CFHR1: variants seen among roughly 807,000 people sequenced by gnomAD.
CFHR1 encodes complement factor H related 1.
In CFHR1, 22 loss-of-function variants were observed where a neutral mutation model predicts 30.4. The observed-to-expected ratio is 0.72, with a 90% CI of 0.52 to 1.03. The LOEUF (loss-of-function observed/expected upper bound fraction) is 1.03, where lower values mean the gene tolerates loss of function less well. Ranked by LOEUF, CFHR1 falls within the 50% of genes least tolerant of loss-of-function variation. The pLI is 0.00. For missense variants in CFHR1, 248 were observed against 380.6 expected (o/e 0.65, Z 2.90); for synonymous variants, 95 against 129.1 (o/e 0.74, Z 1.79).
In CFHR1 at chr1:196,825,839, A is replaced by G. The variant is rs531072224; in HGVS notation, c.253+168A>G. The G allele has an allele frequency of 4.3e-5, 27 of 623,314 alleles. No individual in the cohort carries two copies. In the East Asian group the frequency reaches 6.5e-4, roughly 15 times the overall value. The allele number at this position is 623,314 out of a possible 1,614,324, so 38.6% of individuals were successfully genotyped here. On this transcript the variant is annotated intron_variant, in intron 2 of 5. Transcript: ENST00000320493. ...AGATGCCTCCTATAAGAATCAATGA[A>G]GAATAAATATGTCAACTGTCTTGTG...
chr1:196,824,746 C>CTATATATA (rs1161954804), intron 1 of CFHR1, among the ~76,000 whole-genome samples: 2 of 36,528 alleles, frequency 5.5e-5, no homozygotes, highest in African/African-American at 2.4e-4. Flanking sequence ...GTGGGGCTGA[C>CTATATATA]TGTATATATA....
intron 5 of CFHR1, 39 bp downstream of exon 5, chr1:196,830,721 G>A (rs745332660): frequency 2.0e-6 from 3 of 1,514,448 alleles, no homozygotes; most frequent in Admixed American, 3.4e-5. Context: ...AAAAATCAGT[G>A]TGATGAGTCT....
intron 1 of CFHR1, among the ~76,000 whole-genome samples, chr1:196,824,345 C>T (rs432450): frequency 0.45 from 59,388 of 131,840 alleles, 19,370 homozygotes; most frequent in Admixed American, 0.54. Flanking sequence ...GCAACCTCCC[C>T]CTCCTGGGTT....
In CFHR1 at chr1:196,832,089, A is replaced by G. The variant is rs1803696; in HGVS notation, c.*90A>G. 1 of 1,234,560 alleles carries G rather than the reference A, an allele frequency of 8.1e-7. No individual in the cohort carries two copies. Among genetic ancestry groups the G allele is most frequent in the Admixed American group, 2.0e-5 (1 of 50,174 alleles). 76.5% of individuals were successfully genotyped at this position (1,234,560 alleles called of 1,614,324 possible). On this transcript the variant is annotated 3_prime_UTR_variant, in exon 6 of 6. Coordinates refer to ENST00000320493, the MANE Select transcript of CFHR1 (RefSeq NM_002113.3). ...TTTAAGTATTGTTTTACTCCTTTTT[A>G]TTCATACGTAAAATTTTGGATTAAT...
At chr1:196,822,719 T>A (rs1268966627) in intron 1 of CFHR1, among the ~76,000 whole-genome samples, 1 of 134,258 alleles carries the variant, frequency 7.4e-6, no homozygotes, top group East Asian at 2.0e-4. Flanking sequence ...AGGACCTGCC[T>A]CAGGAAACAT....
Position 196,832,040 on chromosome 1 carries a change from A to G in CFHR1, c.*41A>G. The stretch of plus-strand genomic sequence containing the variant: ...GCACACCTTTATTCAGAACTTTAGT[A>G]TTAAATCAGTTCTTAATTTCATTTT... On this transcript the variant is annotated 3_prime_UTR_variant, in exon 6 of 6. Coordinates refer to ENST00000320493, the MANE Select transcript of CFHR1 (RefSeq NM_002113.3). 1 of 1,465,734 alleles carries G rather than the reference A, an allele frequency of 6.8e-7. No homozygotes were observed. Among genetic ancestry groups the G allele is most frequent in the Non-Finnish European group, 9.3e-7 (1 of 1,077,886 alleles). 90.8% of individuals were successfully genotyped at this position (1,465,734 alleles called of 1,614,324 possible). A position where few individuals can be genotyped will look rare whatever the true frequency, so the allele number is the denominator to read the frequency against.
rs565040024 is a variant in CFHR1, at chr1:196,831,459, A to C, written c.791-338A>C. On this transcript the variant is annotated intron_variant, in intron 5 of 5. Coordinates refer to ENST00000320493, the MANE Select transcript of CFHR1 (RefSeq NM_002113.3). ...TGTTTGATTCCAAGTTCTTATTCAT[A>C]TTATAGCTGAAAGTTTGTACTCTTT... Among the ~76,000 whole-genome samples, 150 of 135,390 alleles carry C rather than the reference A, an allele frequency of 1.1e-3. 40 individuals are homozygous for C. Among genetic ancestry groups the C allele is most frequent in the African/African-American group, 4.5e-3 (144 of 31,684 alleles). 88.8% of individuals were successfully genotyped at this position (135,390 alleles called of 152,430 possible).
Position 196,823,848 on chromosome 1 carries a change from G to A in CFHR1, c.59-1629G>A, listed in dbSNP as rs1224989967. 2.2e-5 allele frequency among the ~76,000 whole-genome samples: 3 copies of A among 133,968 alleles called. 1 individual carries two copies. In the East Asian group the frequency reaches 5.9e-4, roughly 26 times the overall value. 87.9% of individuals were successfully genotyped at this position (133,968 alleles called of 152,430 possible). On this transcript the variant is annotated intron_variant, in intron 1 of 5. Coordinates refer to ENST00000320493, the MANE Select transcript of CFHR1 (RefSeq NM_002113.3). ...CCAACATAAACTATGAACTTTGGGT[G>A]GTAATTATATTGACAGTGAGGGAGC...
In CFHR1 at chr1:196,829,443, CTTTCT is replaced by C. The variant is rs1310961520; in HGVS notation, c.608-1053_608-1049del. Among the ~76,000 whole-genome samples, 2 of 135,252 alleles carry C rather than the reference CTTTCT, an allele frequency of 1.5e-5. 1 individual carries two copies. The highest frequency in any genetic ancestry group is 3.1e-5 in the Non-Finnish European group (2 of 64,132). 88.7% of individuals were successfully genotyped at this position (135,252 alleles called of 152,430 possible). A position where few individuals can be genotyped will look rare whatever the true frequency, so the allele number is the denominator to read the frequency against. ...TTTCAGGATCCTGAAGTCTCAAGCT[CTTTCT>C]TTTATCTGTTTTATTTTAATTTGAA... On this transcript the variant is annotated intron_variant, in intron 4 of 5. Coordinates refer to ENST00000320493, the MANE Select transcript of CFHR1 (RefSeq NM_002113.3).
At chr1:196,828,621 G>A (rs1272128841) in intron 4 of CFHR1, among the ~76,000 whole-genome samples, 1 of 131,190 alleles carries the variant, frequency 7.6e-6, no homozygotes, top group Admixed American at 7.3e-5. Context: ...ATATAAATGT[G>A]GGCATCTTCA....
intron 4 of CFHR1, among the ~76,000 whole-genome samples, chr1:196,830,203 T>A (rs1462321893): frequency 7.4e-6 from 1 of 135,764 alleles, no homozygotes; most frequent in Non-Finnish European, 1.6e-5. Flanking sequence ...GAAACTTTCT[T>A]TGTCATAGTT....
intron 1 of CFHR1, chr1:196,820,847 A>ATTT (rs1186295788): frequency 8.0e-6 from 1 of 124,992 alleles, no homozygotes; most frequent in East Asian, 2.0e-4. Flanking sequence ...CTTGAAATTC[A>ATTT]TTTTTTTTTG....
Position 196,821,900 on chromosome 1 carries a change from G to T in CFHR1, c.58+1998G>T, listed in dbSNP as rs1170525560. Among the ~76,000 whole-genome samples, 42 of 114,324 alleles carry T rather than the reference G, an allele frequency of 3.7e-4. 6 individuals carry two copies. Among genetic ancestry groups the T allele is most frequent in the Non-Finnish European group, 5.2e-4 (30 of 57,736 alleles). The allele number at this position is 114,324 out of a possible 152,430, so 75.0% of individuals were successfully genotyped here. A position where few individuals can be genotyped will look rare whatever the true frequency, so the allele number is the denominator to read the frequency against. On this transcript the variant is annotated intron_variant, in intron 1 of 5. Coordinates refer to ENST00000320493, the MANE Select transcript of CFHR1 (RefSeq NM_002113.3). ...GGTTTTATAGCCTACTAGGTAACTAGGCCATATGGTATAGCCTGTCGCTCC... is the reference window on the plus strand; with the variant it reads ...GGTTTTATAGCCTACTAGGTAACTATGCCATATGGTATAGCCTGTCGCTCC...
At position 196,831,902 on chromosome 1, in the gene CFHR1, T is replaced by C. The variant is rs781249417; in HGVS notation, c.896T>C (p.Val299Ala). 4.6e-6 allele frequency: 7 copies of C among 1,525,526 alleles called. No homozygotes were observed. In the Admixed American group the frequency reaches 1.2e-4, roughly 26 times the overall value. 94.5% of individuals were successfully genotyped at this position (1,525,526 alleles called of 1,614,324 possible). ...YLRTGESAEF[V>A]CKRGYRLSSR... ...AGAACAGGTGAATCAGCTGAATTTG[T>C]GTGTAAACGGGGATATCGTCTTTCA... The change falls in exon 6 of 6, where the codon GTG becomes GCG. Residue 299 changes from valine (V) to alanine (A), a missense_variant. Val to Ala is a moderately conservative substitution (Grantham distance 64). Coordinates refer to ENST00000320493, the MANE Select transcript of CFHR1 (RefSeq NM_002113.3).
chr1:196,824,664 G>A (rs1424291249), intron 1 of CFHR1, among the ~76,000 whole-genome samples: 1 of 120,062 alleles, frequency 8.3e-6, no homozygotes, highest in African/African-American at 3.8e-5. Flanking sequence ...TATTTTTATT[G>A]TTTTATTATC....
rs1245092800 is a variant in CFHR1, at chr1:196,827,794, T to G, written c.431-276T>G. Reference sequence around the variant, plus strand: ...CAAAGAGAGATATCCAGGAAAACTTTCGTTTACACTGGCTTCCAGAAGGGA... The same window carrying G: ...CAAAGAGAGATATCCAGGAAAACTTGCGTTTACACTGGCTTCCAGAAGGGA... On this transcript the variant is annotated intron_variant, in intron 3 of 5. Transcript: ENST00000320493. 2.8e-4 allele frequency among the ~76,000 whole-genome samples: 37 copies of G among 132,370 alleles called. 6 individuals are homozygous for G. The highest frequency in any genetic ancestry group is 3.8e-4 in the Non-Finnish European group (24 of 63,600). The allele number at this position is 132,370 out of a possible 152,430, so 86.8% of individuals were successfully genotyped here.
chr1:196,824,345 C>A (rs432450), intron 1 of CFHR1, among the ~76,000 whole-genome samples: 1 of 131,814 alleles, frequency 7.6e-6, no homozygotes, highest in Non-Finnish European at 1.6e-5. Flanking sequence ...GCAACCTCCC[C>A]CTCCTGGGTT....
At chr1:196,829,050 G>T (rs1263200248) in intron 4 of CFHR1, among the ~76,000 whole-genome samples, 1 of 133,286 alleles carries the variant, frequency 7.5e-6, no homozygotes, top group Non-Finnish European at 1.6e-5. Context: ...TTCCCTGTAG[G>T]GAAAATTATT....
Position 196,831,851 on chromosome 1 carries a change from G to A in CFHR1, c.845G>A (p.Trp282Ter). The A allele has an allele frequency of 1.4e-5, 21 of 1,525,016 alleles. 5 individuals carry two copies. The highest frequency in any genetic ancestry group is 2.5e-5 in the South Asian group (2 of 80,180). 94.5% of individuals were successfully genotyped at this position (1,525,016 alleles called of 1,614,324 possible). ...GAAAATTATAACATAGCATTAAGGT[G>A]GACAGCCAAACAGAAGCTTTATTTG... Reference protein sequence around the residue: ...IMENYNIALRWTAKQKLYLRT... With the variant: ...IMENYNIALR Residue 282 changes from tryptophan to a stop codon, truncating the protein, a stop_gained, in exon 6 of 6, where the codon TGG becomes TAG. Transcript: ENST00000320493. LOFTEE classifies it low-confidence loss of function (END_TRUNC).
Sources: gnomAD v4.1 joint callset for allele counts (sites outside exome capture counted in the v4.1 genomes callset) on GRCh38, gnomAD v4.1.1 for gene constraint, MANE v1.5 for transcripts, NCBI Gene and HGNC (gene_info 2026-07-23, HGNC 2026-07-21) for gene names.